The following MAST4 variants were observed in gnomAD, a reference collection of about 807,000 sequenced individuals.
The protein encoded by MAST4 is microtubule associated serine/threonine kinase family member 4.
MAST4 carries 89 observed loss-of-function variants against 162.7 expected under a neutral mutation model. That is an observed-to-expected ratio of 0.55 (90% CI 0.46 to 0.65). The LOEUF is 0.65. Ranked by LOEUF, MAST4 falls within the 30% of genes least tolerant of loss-of-function variation. MAST4 has a pLI of 0.00. For missense variants in MAST4, 3,153 were observed against 3,374.0 expected, an observed-to-expected ratio of 0.93 and a Z score of 1.62; for synonymous variants, 1,479 against 1,361.1, an observed-to-expected ratio of 1.09 and a Z score of -1.91.
intron 4 of MAST4, among the ~76,000 whole-genome samples, chr5:66,978,455 T>C (rs965705841): frequency 2.0e-5 from 3 of 152,228 alleles, no homozygotes; most frequent in South Asian, 2.1e-4. Context: ...GTGGGAAGGA[T>C]ACCAAGAAGA....
In MAST4 at chr5:67,131,841, C is replaced by T; in HGVS notation, c.1983C>T (p.Asn661=). The change falls in exon 16 of 29, where the codon AAC becomes AAT. Residue 661 remains asparagine (N), a synonymous_variant. Transcript: ENST00000403625. ...GAGACTGTGCTACTTTAATGAAAAA[C>T]ATGGGTCCTCTCCCTGTTGATATGG... is the stretch of plus-strand genomic sequence containing the variant. The part of the protein sequence containing the change: ...EGGDCATLMK[N]MGPLPVDMAR... 6.2e-7 allele frequency: 1 copy of T among 1,613,148 alleles called. No individual in the cohort carries two copies. Among genetic ancestry groups the T allele is most frequent in the Non-Finnish European group, 8.5e-7 (1 of 1,179,304 alleles).
chr5:66,703,618 G>A lies in MAST4; in HGVS notation c.364-56091G>A, dbSNP rs78985969. On this transcript the variant is annotated intron_variant, in intron 1 of 28. Coordinates refer to ENST00000403625, the MANE Select transcript of MAST4 (RefSeq NM_001164664.2). ...GGGATATACTTTATACACATAAAAT[G>A]TGCTCATCTTGTGTGTACCATTCAA... Among the ~76,000 whole-genome samples, 1,124 of 152,250 alleles carry A rather than the reference G, an allele frequency of 7.4e-3. 1 individual carries two copies. The highest frequency in any genetic ancestry group is 0.014 in the Middle Eastern group (4 of 294).
In MAST4 at chr5:66,839,097, G is replaced by C. The variant is rs954063517; in HGVS notation, c.642+50303G>C. On this transcript the variant is annotated intron_variant, in intron 3 of 28. Coordinates refer to ENST00000403625, the MANE Select transcript of MAST4 (RefSeq NM_001164664.2). ...AAATGGAGAAAGGCAACTGAAGGTAGAATTAACAGGACATGGTGACCTGTT... is the reference window on the plus strand; with the variant it reads ...AAATGGAGAAAGGCAACTGAAGGTACAATTAACAGGACATGGTGACCTGTT... Among the ~76,000 whole-genome samples, 4 of 152,188 alleles carry C rather than the reference G, an allele frequency of 2.6e-5. No homozygotes were observed. The South Asian group carries it at 8.3e-4, about 31-fold the overall frequency.
chr5:66,928,618 C>A (rs914863620), intron 4 of MAST4, among the ~76,000 whole-genome samples: 1 of 151,084 alleles, frequency 6.6e-6, no homozygotes, highest in South Asian at 2.1e-4. Context: ...AGAAACCTCC[C>A]AGCTGTTTAT....
intron 1 of MAST4, among the ~76,000 whole-genome samples, chr5:66,641,576 T>A (rs1745489504): frequency 6.6e-6 from 1 of 152,218 alleles, no homozygotes; most frequent in Non-Finnish European, 1.5e-5. Flanking sequence ...AAATATTACT[T>A]CCCAGCAAGA....
At chr5:66,792,943 A>G (rs534409467) in intron 3 of MAST4, among the ~76,000 whole-genome samples, 15 of 152,364 alleles carry the variant, frequency 9.8e-5, no homozygotes, top group Admixed American at 3.3e-4. Flanking sequence ...TACTCAATAT[A>G]ACAGTTCCGT....
intron 5 of MAST4, among the ~76,000 whole-genome samples, chr5:67,089,535 T>C (rs1763607927): frequency 6.6e-6 from 1 of 152,166 alleles, no homozygotes; most frequent in African/African-American, 2.4e-5. Flanking sequence ...GAGGAAAATA[T>C]TGACAACGGG....
In MAST4 at chr5:66,704,492, C is replaced by CTTTTTTT. The variant is rs1172510331; in HGVS notation, c.364-55201_364-55195dup. On this transcript the variant is annotated intron_variant, in intron 1 of 28. Coordinates refer to ENST00000403625, the MANE Select transcript of MAST4 (RefSeq NM_001164664.2). ...TGCATCCTCTCTGTTGCTTGTTGTT[C>CTTTTTTT]TTTTTTTTTTTTTTTTTTTTTTGAG... 2.8e-3 allele frequency among the ~76,000 whole-genome samples: 276 copies of CTTTTTTT among 97,340 alleles called. 8 individuals carry two copies. Among genetic ancestry groups the CTTTTTTT allele is most frequent in the African/African-American group, 5.2e-3 (121 of 23,384 alleles). 63.9% of individuals were successfully genotyped at this position (97,340 alleles called of 152,430 possible).
At chr5:67,032,657 C>T (rs553723031) in intron 4 of MAST4, among the ~76,000 whole-genome samples, 6 of 152,222 alleles carry the variant, frequency 3.9e-5, no homozygotes, top group Admixed American at 3.3e-4. Flanking sequence ...ATAGTCTGGT[C>T]TGTCTGGATC....
At chr5:66,955,213 G>GAAAA (rs59269171) in intron 4 of MAST4, among the ~76,000 whole-genome samples, 145 of 121,344 alleles carry the variant, frequency 1.2e-3, no homozygotes, top group African/African-American at 4.1e-3. Context: ...CCTTGTCTCA[G>GAAAA]AAAAAAAAAA....
intron 1 of MAST4, among the ~76,000 whole-genome samples, chr5:66,663,772 A>G (rs1443323801): frequency 6.6e-6 from 1 of 152,206 alleles, no homozygotes; most frequent in East Asian, 1.9e-4. Context: ...TGGTTAAGAA[A>G]AAAAGTCAGT....
intron 4 of MAST4, among the ~76,000 whole-genome samples, chr5:66,924,234 G>A (rs932409278): frequency 3.3e-5 from 5 of 152,070 alleles, no homozygotes; most frequent in African/African-American, 4.8e-5. Context: ...AACTTCTTTG[G>A]ATCCTTTTGA....
chr5:66,733,136 C>A (rs938089238), intron 1 of MAST4, among the ~76,000 whole-genome samples: 2 of 152,032 alleles, frequency 1.3e-5, no homozygotes, highest in Non-Finnish European at 2.9e-5. Flanking sequence ...TTGCTTTAAA[C>A]AAAAATGGGT....
chr5:67,164,582 C>G lies in MAST4; in HGVS notation c.5403C>G (p.Ile1801Met), dbSNP rs369084293. ...EGRSVSCLKP[I>M]EGTLDIALLS... Reference sequence around the variant, plus strand: ...GGTCTGTCTCATGCCTGAAGCCGATCGAGGGCACTCTGGACATTGCTCTCC... The same window carrying G: ...GGTCTGTCTCATGCCTGAAGCCGATGGAGGGCACTCTGGACATTGCTCTCC... Residue 1801 changes from isoleucine to methionine, a missense_variant, in exon 29 of 29, where the codon ATC becomes ATG. Coordinates refer to ENST00000403625, the MANE Select transcript of MAST4 (RefSeq NM_001164664.2). This position sits in a 1 kb window ranked among gnomAD's most constrained non-coding sequence, Gnocchi z 5.3. 2.5e-6 allele frequency: 4 copies of G among 1,613,996 alleles called. No individual in the cohort carries two copies. Among genetic ancestry groups the G allele is most frequent in the Non-Finnish European group, 3.4e-6 (4 of 1,179,890 alleles).
At chr5:66,881,363 CT>C (rs558776292) in intron 3 of MAST4, among the ~76,000 whole-genome samples, 46 of 152,264 alleles carry the variant, frequency 3.0e-4, no homozygotes, top group Non-Finnish European at 6.2e-4. Context: ...AAGATTTCAG[CT>C]GCTGGAATTT....
At chr5:67,014,977 G>T (rs1279537362) in intron 4 of MAST4, among the ~76,000 whole-genome samples, 4 of 152,106 alleles carry the variant, frequency 2.6e-5, no homozygotes, top group African/African-American at 4.8e-5. Context: ...TACTGAACTG[G>T]TTAGCTATTA....
intron 1 of MAST4, among the ~76,000 whole-genome samples, chr5:66,679,918 T>C (rs1748218450): frequency 6.6e-6 from 1 of 152,178 alleles, no homozygotes; most frequent in Non-Finnish European, 1.5e-5. Flanking sequence ...AGTGTACACT[T>C]TTTTCTTTAT....
chr5:67,076,399 G>A lies in MAST4; in HGVS notation c.764-13763G>A, dbSNP rs537487978. ...CTCCTGAACACAGATGCATGTGTCT[G>A]TTTACTAATAGTCTCTCCATCTGAT... On this transcript the variant is annotated intron_variant, in intron 5 of 28. Transcript: ENST00000403625. 3.9e-5 allele frequency among the ~76,000 whole-genome samples: 6 copies of A among 152,070 alleles called. No individual in the cohort carries two copies. In the East Asian group the frequency reaches 9.6e-4, roughly 24 times the overall value.
intron 3 of MAST4, among the ~76,000 whole-genome samples, chr5:66,876,230 C>T (rs986296718): frequency 6.6e-6 from 1 of 152,180 alleles, no homozygotes; most frequent in Admixed American, 6.5e-5. Flanking sequence ...GCCTGGTAAA[C>T]ACTATCAATG....
Sources: gnomAD v4.1 joint callset for allele counts (sites outside exome capture counted in the v4.1 genomes callset) on GRCh38, gnomAD v4.1.1 for gene constraint, Gnocchi (gnomAD v3.1) non-coding constraint, MANE v1.5 for transcripts, NCBI Gene and HGNC (gene_info 2026-07-23, HGNC 2026-07-21) for gene names.